MAN2A2: variants seen among roughly 807,000 people sequenced by gnomAD.
The protein encoded by MAN2A2 is mannosidase alpha class 2A member 2, also known as alpha-mannosidase 2x.
Under a neutral mutation model 126.8 loss-of-function variants are expected in MAN2A2, and 79 were observed. That is an observed-to-expected ratio of 0.62 (90% CI 0.52 to 0.75). The LOEUF (loss-of-function observed/expected upper bound fraction) is 0.75, where lower values mean the gene tolerates loss of function less well. MAN2A2 is among the 30% of genes least tolerant of loss of function. The pLI, the probability that MAN2A2 is intolerant of heterozygous loss-of-function variation, is 0.00. For missense variants in MAN2A2, 1,392 were observed against 1,522.4 expected (o/e 0.91, Z 1.43); for synonymous variants, 671 against 618.7 (o/e 1.08, Z -1.25).
At chr15:90,915,000 GCT>G (rs1377694300) in intron 19 of MAN2A2, among the ~76,000 whole-genome samples, 1 of 152,210 alleles carries the variant, frequency 6.6e-6, no homozygotes, top group East Asian at 1.9e-4. Context: ...CTTGTGAAGG[GCT>G]GAGCCGAGAG....
intron 1 of MAN2A2, 42 bp from the exon 2 acceptor site, chr15:90,904,148 C>T (rs754164855): frequency 2.9e-5 from 46 of 1,610,472 alleles, no homozygotes; most frequent in Middle Eastern, 3.3e-4. Context: ...CTGCCACGGG[C>T]ATTTTGCATG....
chr15:90,916,226 C>T lies in MAN2A2; in HGVS notation c.2964C>T (p.Leu988=), dbSNP rs2035166803. 1.2e-6 allele frequency: 2 copies of T among 1,614,100 alleles called. No individual in the cohort carries two copies. The highest frequency in any genetic ancestry group is 2.2e-5 in the South Asian group (2 of 91,084). ...DNKRTCNRFR[L]LLERRTVGSE... ...AGAGAACCTGCAACCGTTTCCGCCT[C>T]CTGCTAGAGCGGCGAACCGTGGGCA... is the stretch of plus-strand genomic sequence containing the variant. The change falls in exon 20 of 23, where the codon CTC becomes CTT. Residue 988 remains leucine, a synonymous_variant. Coordinates refer to ENST00000559717, the MANE Select transcript of MAN2A2 (RefSeq NM_006122.4).
rs1351025167 is a variant in MAN2A2 at position 90,910,120 on chromosome 15, G to A, written c.1405G>A (p.Asp469Asn). 6.2e-7 allele frequency: 1 copy of A among 1,613,624 alleles called. No individual in the cohort carries two copies. Among genetic ancestry groups the A allele is most frequent in the Non-Finnish European group, 8.5e-7 (1 of 1,179,818 alleles). ...AQFGTLSDYF[D>N]ALYKRTGVEP... is the part of the protein sequence containing the mutation. ...GTTTGGCACTCTTTCTGACTATTTT[G>A]ATGCCCTGTACAAGAGGACAGGGGT... The change falls in exon 10 of 23, where the codon GAT (aspartate) becomes AAT (asparagine). Residue 469 changes from aspartate to asparagine, a missense_variant. Physicochemically the swap from Asp to Asn is conservative, Grantham distance 23 (BLOSUM62 1). Coordinates refer to ENST00000559717, the MANE Select transcript of MAN2A2 (RefSeq NM_006122.4).
chr15:90,905,118 C>T (rs995082258), intron 2 of MAN2A2, 133 bp from the exon 3 acceptor site: 10 of 911,242 alleles, frequency 1.1e-5, no homozygotes, highest in African/African-American at 1.6e-5. Context: ...TGTCATCTAT[C>T]CCTCTAGGCT....
At chr15:90,911,102 C>G (rs1391022755) in intron 12 of MAN2A2, 69 bp from the exon 13 acceptor site, 1 of 1,564,226 alleles carries the variant, frequency 6.4e-7, no homozygotes, top group Admixed American at 1.7e-5. Context: ...TGGTCCACAC[C>G]TGGGACAGGT....
In MAN2A2 at chr15:90,912,090, G is replaced by T; in HGVS notation, c.2157G>T (p.Gln719His). 1 of 1,613,068 alleles carries T rather than the reference G, an allele frequency of 6.2e-7. No homozygotes were observed. Among genetic ancestry groups the T allele is most frequent in the Non-Finnish European group, 8.5e-7 (1 of 1,179,852 alleles). ...RLPALGLGVL[Q>H]LQLGLDGHRT... ...CAGCCCTGGGCCTGGGCGTGCTGCA[G>T]CTACAGCTGGGCCTGGATGGGCACC... The change falls in exon 15 of 23, where the codon CAG becomes CAT. Residue 719 changes from glutamine to histidine, a missense_variant. Transcript: ENST00000559717.
intron 20 of MAN2A2, chr15:90,916,517 C>T (rs2151325797): frequency 1.4e-6 from 2 of 1,382,208 alleles, no homozygotes; most frequent in Non-Finnish European, 9.7e-7. Context: ...CCCTCCTCTG[C>T]CCTGTCCCAG....
chr15:90,906,649 G>T (rs896978348), intron 6 of MAN2A2, 91 bp from the exon 7 acceptor site: 2 of 1,573,644 alleles, frequency 1.3e-6, no homozygotes, highest in Non-Finnish European at 1.7e-6. Context: ...CTCACTACCA[G>T]GACAAGAGCT....
chr15:90,919,493 C>T, intron 22 of MAN2A2, 142 bp from the exon 23 acceptor site: 1 of 971,146 alleles, frequency 1.0e-6, no homozygotes, highest in Non-Finnish European at 1.5e-6. Flanking sequence ...CCCGCCTTGG[C>T]CTCCCAAAGT....
Position 90,921,664 on chromosome 15 carries a change from A to C in MAN2A2, c.*1877A>C, listed in dbSNP as rs1239645375. The C allele has an allele frequency of 6.6e-6, 1 of 152,264 alleles. No individual in the cohort carries two copies. The highest frequency in any genetic ancestry group is 2.4e-5 in the African/African-American group (1 of 41,460). The allele number at this position is 152,264 out of a possible 1,614,324, so 9.4% of individuals were successfully genotyped here. The stretch of plus-strand genomic sequence containing the variant: ...CTGGGTGCGATGGCTCACGCCTGTA[A>C]TCCCGGCACTTTGGGAGGCCAAGGT... On this transcript the variant is annotated 3_prime_UTR_variant, in exon 23 of 23. Coordinates refer to ENST00000559717, the MANE Select transcript of MAN2A2 (RefSeq NM_006122.4).
At chr15:90,907,637 A>G (rs2034406778) in intron 8 of MAN2A2, 142 bp downstream of exon 8, 2 of 736,932 alleles carry the variant, frequency 2.7e-6, no homozygotes, top group East Asian at 5.5e-5. Flanking sequence ...AAGTCTCCTG[A>G]AAAACTGGAA....
chr15:90,910,467 T>G (rs1258985269), intron 10 of MAN2A2, 34 bp from the exon 11 acceptor site: 3 of 1,610,920 alleles, frequency 1.9e-6, no homozygotes, highest in Non-Finnish European at 2.5e-6. Context: ...TGGCTAGTGG[T>G]GCAGGCTGGC....
chr15:90,906,978 T>C, intron 7 of MAN2A2, 65 bp downstream of exon 7: 1 of 1,574,074 alleles, frequency 6.4e-7, no homozygotes. Flanking sequence ...AGCAGGGATA[T>C]CAGAACTAAG....
At chr15:90,918,945 C>T (rs781212493) in intron 22 of MAN2A2, among the ~76,000 whole-genome samples, 190 bp downstream of exon 22, 2 of 152,164 alleles carry the variant, frequency 1.3e-5, no homozygotes, top group Admixed American at 6.5e-5. Flanking sequence ...CAAGGTAGAT[C>T]GCTTGAGAAC....
rs1266977718 is a variant in MAN2A2 at position 90,910,359 on chromosome 15, G to A, written c.1577+67G>A. On this transcript the variant is annotated intron_variant, in intron 10 of 22. Transcript: ENST00000559717. Reference sequence around the variant, plus strand: ...AGCCTTTGGGGTTTAAGGAGGGGCTGGATTGGCTCAGAAGGGAATAGATAG... The same window carrying A: ...AGCCTTTGGGGTTTAAGGAGGGGCTAGATTGGCTCAGAAGGGAATAGATAG... The A allele has an allele frequency of 3.1e-6, 5 of 1,594,518 alleles. No individual in the cohort carries two copies. In the East Asian group the frequency reaches 9.0e-5, roughly 29 times the overall value.
intron 7 of MAN2A2, 36 bp from the exon 8 acceptor site, chr15:90,907,273 C>G (rs778000867): frequency 6.3e-7 from 1 of 1,596,348 alleles, no homozygotes; most frequent in African/African-American, 1.3e-5. Context: ...CCAGAGGCTG[C>G]CTGCTGGTGG....
At chr15:90,909,111 C>T (rs1021938925) in intron 8 of MAN2A2, among the ~76,000 whole-genome samples, 1 of 152,012 alleles carries the variant, frequency 6.6e-6, no homozygotes, top group African/African-American at 2.4e-5. Flanking sequence ...ATCTCAACAG[C>T]CTAGCATAAA....
intron 20 of MAN2A2, among the ~76,000 whole-genome samples, chr15:90,917,031 A>AGG (rs1359520883): frequency 6.6e-6 from 1 of 152,242 alleles, no homozygotes; most frequent in Non-Finnish European, 1.5e-5. Context: ...GATAGGAGGC[A>AGG]GGAAAGACAA....
At chr15:90,909,303 C>T in intron 8 of MAN2A2, 24 bp from the exon 9 acceptor site, 9 of 1,593,870 alleles carry the variant, frequency 5.6e-6, no homozygotes, top group Non-Finnish European at 7.7e-6. Context: ...TCGTGGTGGG[C>T]CCATGTTTTT....
Sources: allele counts gnomAD v4.1 joint callset (sites outside exome capture counted in the v4.1 genomes callset), GRCh38; gene constraint gnomAD v4.1.1; transcripts MANE v1.5; gene names NCBI Gene and HGNC (gene_info 2026-07-23, HGNC 2026-07-21).